Variants in CLPTM1 observed in about 807,000 individuals in gnomAD.
The protein encoded by CLPTM1 is CLPTM1 regulator of GABA type A receptor forward trafficking, also known as putative lipid scramblase CLPTM1.
CLPTM1 carries 21 observed loss-of-function variants against 77.3 expected under a neutral mutation model. The observed-to-expected ratio is 0.27, with a 90% CI of 0.19 to 0.39. CLPTM1 has a LOEUF of 0.39. Ranked by LOEUF, CLPTM1 falls within the 10% of genes least tolerant of loss-of-function variation. The pLI, the probability that CLPTM1 is intolerant of heterozygous loss-of-function variation, is 1.00. For synonymous variants in CLPTM1, 373 were observed against 381.0 expected (o/e 0.98, Z 0.24); for missense variants, 642 against 921.2 (o/e 0.70, Z 3.92).
In CLPTM1 at chr19:44,990,164, G is replaced by C; in HGVS notation, c.1133-231G>C. On this transcript the variant is annotated intron_variant, in intron 9 of 13. Transcript: ENST00000337392. The surrounding 1 kb of genome is among the most constrained non-coding windows in gnomAD (Gnocchi z 4.8). ...AAGGGACTGCACCTTGGGGTGCTGG[G>C]TGCTGACGTCCTATGGGAGGGCTCC... 1 of 558,354 alleles carries C rather than the reference G, an allele frequency of 1.8e-6. No homozygotes were observed. The highest frequency in any genetic ancestry group is 3.2e-6 in the Non-Finnish European group (1 of 313,442). The allele number at this position is 558,354 out of a possible 1,614,324, so 34.6% of individuals were successfully genotyped here. A position where few individuals can be genotyped will look rare whatever the true frequency, so the allele number is the denominator to read the frequency against.
chr19:44,978,409 CA>C (rs56071173), intron 5 of CLPTM1, among the ~76,000 whole-genome samples: 1,416 of 138,834 alleles, frequency 0.01, 22 homozygotes, highest in African/African-American at 0.035. Flanking sequence ...GTCTCCGTCT[CA>C]AAAAAAAAAA....
intron 2 of CLPTM1, among the ~76,000 whole-genome samples, chr19:44,963,609 G>T (rs1002286094): frequency 7.9e-5 from 12 of 151,210 alleles, no homozygotes; most frequent in Non-Finnish European, 8.8e-5. Context: ...ACAGGTGTGA[G>T]CCACCGCACC....
At chr19:44,966,807 C>T (rs1264666838) in intron 2 of CLPTM1, among the ~76,000 whole-genome samples, 2 of 151,766 alleles carry the variant, frequency 1.3e-5, no homozygotes. Context: ...AAAAAAAAAG[C>T]CTGAGCAACA....
intron 5 of CLPTM1, among the ~76,000 whole-genome samples, chr19:44,978,671 CT>C (rs1381536095): frequency 6.6e-6 from 1 of 152,174 alleles, no homozygotes; most frequent in Non-Finnish European, 1.5e-5. Flanking sequence ...ACTACCACTT[CT>C]ACTCCCATGA....
At chr19:44,959,320 A>G (rs549983933) in intron 1 of CLPTM1, among the ~76,000 whole-genome samples, 21 of 146,150 alleles carry the variant, frequency 1.4e-4, no homozygotes, top group Non-Finnish European at 2.9e-4. Context: ...TTGGCCTCCC[A>G]AAGTGCTAGG....
chr19:44,978,155 C>G (rs1970835373), intron 5 of CLPTM1, among the ~76,000 whole-genome samples: 1 of 151,706 alleles, frequency 6.6e-6, no homozygotes, highest in African/African-American at 2.4e-5. Flanking sequence ...GCCTGTAATC[C>G]CAGGACTTTG....
intron 9 of CLPTM1, among the ~76,000 whole-genome samples, chr19:44,988,677 C>T (rs1184684690): frequency 6.6e-6 from 1 of 152,244 alleles, no homozygotes; most frequent in Non-Finnish European, 1.5e-5. Context: ...CCAGTAGCTC[C>T]TTGAGCCCTG....
Position 44,990,198 on chromosome 19 carries a change from C to T in CLPTM1, c.1133-197C>T, listed in dbSNP as rs538957484. ...TCCTATGGGAGGGCTCCAGGGGTGC[C>T]GCCTGTCTGGTGCTCTGGGGGTCAC... On this transcript the variant is annotated intron_variant, in intron 9 of 13. Coordinates refer to ENST00000337392, the MANE Select transcript of CLPTM1 (RefSeq NM_001294.4). The surrounding 1 kb of genome is among the most constrained non-coding windows in gnomAD (Gnocchi z 4.8). The T allele has an allele frequency of 2.9e-5, 17 of 595,022 alleles. No homozygotes were observed. Among genetic ancestry groups the T allele is most frequent in the South Asian group, 6.3e-5 (3 of 47,250 alleles). 36.9% of individuals were successfully genotyped at this position (595,022 alleles called of 1,614,324 possible).
In CLPTM1 at chr19:44,990,442, C is replaced by A. The variant is rs777780659; in HGVS notation, c.1180C>A (p.Arg394Ser). 6.2e-7 allele frequency: 1 copy of A among 1,614,076 alleles called. No individual in the cohort carries two copies. The highest frequency in any genetic ancestry group is 1.7e-5 in the Admixed American group (1 of 60,006). ...SRQSLEGLSV[R>S]SVFFGVFQSF... ...GCAGTCCCTGGAGGGCCTGTCCGTG[C>A]GCTCCGTCTTCTTCGGCGTTTTCCA... Residue 394 changes from arginine to serine, a missense_variant, in exon 10 of 14, where the codon CGC becomes AGC. Physicochemically the swap from Arg to Ser is moderately radical, Grantham distance 110. Around this residue, in one of 2 missense-constraint regions of CLPTM1, gnomAD observed 521 missense variants for 800.4 expected, o/e 0.65. Coordinates refer to ENST00000337392, the MANE Select transcript of CLPTM1 (RefSeq NM_001294.4). The surrounding 1 kb of genome is among the most constrained non-coding windows in gnomAD (Gnocchi z 4.8).
At chr19:44,971,127 G>A (rs1172813969) in intron 2 of CLPTM1, among the ~76,000 whole-genome samples, 1 of 151,872 alleles carries the variant, frequency 6.6e-6, no homozygotes, top group African/African-American at 2.4e-5. Context: ...CACCGCGCCC[G>A]GCCGATCCTT....
intron 2 of CLPTM1, among the ~76,000 whole-genome samples, chr19:44,968,201 T>C (rs1254432000): frequency 2.6e-5 from 4 of 152,180 alleles, no homozygotes; most frequent in Non-Finnish European, 5.9e-5. Flanking sequence ...GGGTGGGTGC[T>C]CGGAGACCAT....
chr19:44,972,696 A>G (rs532006222), intron 2 of CLPTM1, among the ~76,000 whole-genome samples: 10 of 150,576 alleles, frequency 6.6e-5, no homozygotes, highest in African/African-American at 2.4e-4. Flanking sequence ...CTGCACACTG[A>G]AGGGGTTCCA....
intron 6 of CLPTM1, 117 bp downstream of exon 6, chr19:44,985,420 A>G: frequency 1.4e-6 from 1 of 694,652 alleles, no homozygotes; most frequent in Non-Finnish European, 2.6e-6. Flanking sequence ...CGGCTCGGTC[A>G]TGCCACCTCC....
At chr19:44,977,737 G>A (rs1025532402) in intron 5 of CLPTM1, among the ~76,000 whole-genome samples, 5 of 152,166 alleles carry the variant, frequency 3.3e-5, no homozygotes, top group Non-Finnish European at 5.9e-5. Context: ...AGGGACTCTT[G>A]GAGAGGAGGA....
At chr19:44,955,122 G>T (rs968528019), upstream of CLPTM1, 1 of 1,535,756 alleles carries the variant, frequency 6.5e-7, no homozygotes, top group South Asian at 1.2e-5. Flanking sequence ...GACAGAACTT[G>T]CGGGAGGCAC....
intron 4 of CLPTM1, among the ~76,000 whole-genome samples, chr19:44,976,160 T>G (rs1227710244): frequency 3.9e-5 from 6 of 152,150 alleles, no homozygotes; most frequent in African/African-American, 1.4e-4. Flanking sequence ...TGGCTGGACT[T>G]TCTGACCTGC....
chr19:44,972,112 G>T (rs1970728133), intron 2 of CLPTM1, among the ~76,000 whole-genome samples: 1 of 151,538 alleles, frequency 6.6e-6, no homozygotes, highest in Admixed American at 6.6e-5. Flanking sequence ...CTCGTGATTT[G>T]CCCACTTCAG....
intron 4 of CLPTM1, 145 bp from the exon 5 acceptor site, chr19:44,977,198 A>G: frequency 1.5e-6 from 1 of 677,504 alleles, no homozygotes; most frequent in Non-Finnish European, 2.6e-6. Flanking sequence ...TCTGCCACCC[A>G]GCTACATGCC....
intron 5 of CLPTM1, among the ~76,000 whole-genome samples, chr19:44,981,726 A>G (rs1254782312): frequency 6.6e-6 from 1 of 152,100 alleles, no homozygotes; most frequent in Non-Finnish European, 1.5e-5. Context: ...CAGCCTGGGC[A>G]ACATGGCAAA....
Sources: allele counts gnomAD v4.1 joint callset (sites outside exome capture counted in the v4.1 genomes callset), GRCh38; gene constraint gnomAD v4.1.1; regional missense constraint gnomAD v4.1.1; non-coding constraint Gnocchi (gnomAD v3.1); transcripts MANE v1.5; gene names NCBI Gene and HGNC (gene_info 2026-07-23, HGNC 2026-07-21).